The following EXOC4 variants were observed in gnomAD, a reference collection of about 807,000 sequenced individuals.
EXOC4 encodes exocyst complex component 4, also known as SEC8-like 1.
In EXOC4, 71 loss-of-function variants were observed where a neutral mutation model predicts 107.2. That is an observed-to-expected ratio of 0.66 (90% CI 0.55 to 0.81). The LOEUF is 0.81. Among genes scored for constraint, EXOC4 ranks in the 30% least tolerant of loss-of-function variants. The pLI, the probability that EXOC4 is intolerant of heterozygous loss-of-function variation, is 0.00. For missense variants in EXOC4, 1,108 were observed against 1,189.6 expected, an observed-to-expected ratio of 0.93 and a Z score of 1.01; for synonymous variants, 456 against 441.2, an observed-to-expected ratio of 1.03 and a Z score of -0.42.
intron 14 of EXOC4, among the ~76,000 whole-genome samples, chr7:133,992,315 C>T (rs577604016): frequency 7.2e-5 from 11 of 151,902 alleles, no homozygotes; most frequent in East Asian, 5.8e-4. Flanking sequence ...CAGGGTCTGA[C>T]GCTGTTGCCT....
At chr7:133,970,210 G>T (rs1040875645) in intron 14 of EXOC4, among the ~76,000 whole-genome samples, 22 of 151,934 alleles carry the variant, frequency 1.4e-4, no homozygotes, top group African/African-American at 5.3e-4. Flanking sequence ...AAGCTCAAGT[G>T]TCCCAGGTCG....
At chr7:133,722,929 ACTC>A (rs1795134555) in intron 10 of EXOC4, among the ~76,000 whole-genome samples, 1 of 152,070 alleles carries the variant, frequency 6.6e-6, no homozygotes, top group African/African-American at 2.4e-5. Flanking sequence ...TTATTAAACT[ACTC>A]TTAACCTTTT....
intron 7 of EXOC4, among the ~76,000 whole-genome samples, chr7:133,451,523 C>T (rs1333243943): frequency 4.6e-5 from 7 of 152,012 alleles, no homozygotes; most frequent in Non-Finnish European, 1.0e-4. Flanking sequence ...AATTATTTCT[C>T]TTGTATTCCT....
chr7:133,316,176 A>G (rs1563015103), intron 4 of EXOC4, among the ~76,000 whole-genome samples: 1 of 152,240 alleles, frequency 6.6e-6, no homozygotes, highest in African/African-American at 2.4e-5. Flanking sequence ...AAATACACAC[A>G]TACCTAGCAC....
At chr7:133,525,947 T>C (rs1800070949) in intron 9 of EXOC4, among the ~76,000 whole-genome samples, 1 of 152,172 alleles carries the variant, frequency 6.6e-6, no homozygotes, top group Non-Finnish European at 1.5e-5. Flanking sequence ...AGTATTTTTC[T>C]AATGGGATTC....
intron 10 of EXOC4, among the ~76,000 whole-genome samples, chr7:133,812,910 CCCCGTTCTAT>C (rs1406041142): frequency 6.6e-6 from 1 of 152,050 alleles, no homozygotes; most frequent in Non-Finnish European, 1.5e-5. Context: ...ATCCCTTAGC[CCCCGTTCTAT>C]CCATTTTTCA....
chr7:133,954,099 A>G (rs1800757594), intron 14 of EXOC4, among the ~76,000 whole-genome samples: 1 of 152,226 alleles, frequency 6.6e-6, no homozygotes, highest in African/African-American at 2.4e-5. Flanking sequence ...TTTTTACTAA[A>G]CTTACCTTCC....
chr7:133,769,061 T>C (rs1175091305), intron 10 of EXOC4, among the ~76,000 whole-genome samples: 2 of 151,962 alleles, frequency 1.3e-5, no homozygotes, highest in African/African-American at 4.8e-5. Context: ...TTAACTTCTC[T>C]GAACATGACT....
At chr7:133,840,282 C>G (rs1452845304) in intron 11 of EXOC4, among the ~76,000 whole-genome samples, 2 of 151,898 alleles carry the variant, frequency 1.3e-5, no homozygotes, top group African/African-American at 4.8e-5. Context: ...AAGCAAGACA[C>G]AAAAGAATAT....
intron 1 of EXOC4, among the ~76,000 whole-genome samples, chr7:133,264,365 A>G (rs990885010): frequency 6.6e-6 from 1 of 152,206 alleles, no homozygotes; most frequent in Non-Finnish European, 1.5e-5. Flanking sequence ...GTTTACTGTC[A>G]CTTGATACTA....
intron 14 of EXOC4, among the ~76,000 whole-genome samples, chr7:133,949,107 A>T (rs1289902403): frequency 6.6e-6 from 1 of 152,220 alleles, no homozygotes; most frequent in Non-Finnish European, 1.5e-5. Flanking sequence ...AGAAGCTGAG[A>T]TGTAAAAGCT....
chr7:133,317,856 A>AT (rs1344647229), intron 5 of EXOC4, among the ~76,000 whole-genome samples: 1 of 151,826 alleles, frequency 6.6e-6, no homozygotes, highest in Non-Finnish European at 1.5e-5. Flanking sequence ...TAATTTTTGT[A>AT]TTTTTAGTAG....
At chr7:133,923,285 C>T (rs1417606031) in intron 13 of EXOC4, among the ~76,000 whole-genome samples, 12 of 152,076 alleles carry the variant, frequency 7.9e-5, no homozygotes, top group Admixed American at 3.3e-4. Context: ...CCCACCACAA[C>T]GCCTGGCTGA....
intron 10 of EXOC4, among the ~76,000 whole-genome samples, chr7:133,784,634 C>A (rs1157361587): frequency 6.6e-6 from 1 of 152,156 alleles, no homozygotes; most frequent in African/African-American, 2.4e-5. Context: ...AATGCATCTG[C>A]TGTGAAAGTC....
intron 10 of EXOC4, among the ~76,000 whole-genome samples, chr7:133,693,244 G>A (rs1185352051): frequency 1.3e-5 from 2 of 152,182 alleles, no homozygotes; most frequent in East Asian, 1.9e-4. Context: ...CAAACCACTG[G>A]TGTGAGTCCA....
intron 14 of EXOC4, among the ~76,000 whole-genome samples, chr7:133,978,970 C>G (rs1234771840): frequency 6.6e-6 from 1 of 152,142 alleles, no homozygotes; most frequent in African/African-American, 2.4e-5. Context: ...GGGTATGTTC[C>G]CATTTCACTC....
chr7:133,718,735 A>G, intron 10 of EXOC4, among the ~76,000 whole-genome samples: 1 of 152,296 alleles, frequency 6.6e-6, no homozygotes, highest in East Asian at 1.9e-4. Context: ...TAAATAAAAT[A>G]GCCATGTAAC....
At chr7:133,288,524 C>T (rs1794331953) in intron 2 of EXOC4, among the ~76,000 whole-genome samples, 1 of 152,124 alleles carries the variant, frequency 6.6e-6, no homozygotes, top group African/African-American at 2.4e-5. Flanking sequence ...GACCAAGTGA[C>T]CTATCAGCTG....
At chr7:133,954,517 C>A (rs1040843271) in intron 14 of EXOC4, among the ~76,000 whole-genome samples, 3 of 152,154 alleles carry the variant, frequency 2.0e-5, no homozygotes, top group South Asian at 2.1e-4. Context: ...ATATAAATAA[C>A]TAAATGTACA....
Sources: gnomAD v4.1 joint callset for allele counts (sites outside exome capture counted in the v4.1 genomes callset) on GRCh38, gnomAD v4.1.1 for gene constraint, MANE v1.5 for transcripts, NCBI Gene and HGNC (gene_info 2026-07-23, HGNC 2026-07-21) for gene names.